Variants in EVI5 observed in about 807,000 individuals in gnomAD.
EVI5 encodes ecotropic viral integration site 5, also known as ecotropic viral integration site 5 protein homolog.
Under a neutral mutation model 112.0 loss-of-function variants are expected in EVI5, and 73 were observed. That is an observed-to-expected ratio of 0.65 (90% CI 0.54 to 0.79). The LOEUF (loss-of-function observed/expected upper bound fraction) is 0.79, where lower values mean the gene tolerates loss of function less well. Ranked by LOEUF, EVI5 falls within the 30% of genes least tolerant of loss-of-function variation. The pLI, the probability that EVI5 is intolerant of heterozygous loss-of-function variation, is 0.00. For synonymous variants in EVI5, 305 were observed against 319.9 expected (o/e 0.95, Z 0.50); for missense variants, 900 against 968.8 (o/e 0.93, Z 0.94).
chr1:92,740,787 T>C (rs575778702), intron 1 of EVI5, among the ~76,000 whole-genome samples: 2 of 152,332 alleles, frequency 1.3e-5, no homozygotes, highest in South Asian at 2.1e-4. Context: ...GTATTTCTTA[T>C]AGTCATATGG....
At chr1:92,699,746 G>A (rs771528389) in intron 5 of EVI5, among the ~76,000 whole-genome samples, 3 of 152,138 alleles carry the variant, frequency 2.0e-5, no homozygotes, top group Non-Finnish European at 4.4e-5. Flanking sequence ...ACATGTTTGT[G>A]TATCTAAACA....
At chr1:92,773,352 A>G (rs1347802071) in intron 1 of EVI5, among the ~76,000 whole-genome samples, 1 of 152,032 alleles carries the variant, frequency 6.6e-6, no homozygotes, top group Non-Finnish European at 1.5e-5. Context: ...TTTCAAAAAC[A>G]TTATTTTGAC....
chr1:92,778,494 C>T (rs1361837181), intron 1 of EVI5, among the ~76,000 whole-genome samples: 3 of 152,078 alleles, frequency 2.0e-5, no homozygotes, highest in Non-Finnish European at 2.9e-5. Context: ...GCCCAATATA[C>T]TAAATGTTCT....
intron 19 of EVI5, among the ~76,000 whole-genome samples, chr1:92,561,601 A>ATCTAATGTATCCT (rs757233659): frequency 3.1e-5 from 4 of 128,340 alleles, no homozygotes; most frequent in Admixed American, 7.9e-5. Context: ...CTATCTATCT[A>ATCTAATGTATCCT]ATCTATCCTA....
intron 15 of EVI5, 64 bp downstream of exon 15, chr1:92,625,730 C>G (rs1000179414): frequency 2.6e-5 from 39 of 1,477,880 alleles, no homozygotes; most frequent in Non-Finnish European, 3.5e-5. Context: ...ACTTCAAACT[C>G]TTACAAATTG....
chr1:92,621,946 C>T (rs1037743497), intron 16 of EVI5, among the ~76,000 whole-genome samples: 2 of 151,746 alleles, frequency 1.3e-5, no homozygotes, highest in African/African-American at 4.8e-5. Flanking sequence ...CATGGTGAAA[C>T]CCCGTCTCTA....
chr1:92,595,616 G>A (rs572659105), intron 18 of EVI5, among the ~76,000 whole-genome samples: 1 of 152,188 alleles, frequency 6.6e-6, no homozygotes, highest in East Asian at 1.9e-4. Context: ...CAAAGGAGGA[G>A]GGAGAAAAAC....
intron 19 of EVI5, among the ~76,000 whole-genome samples, chr1:92,544,732 T>G (rs1389268105): frequency 6.6e-6 from 1 of 152,204 alleles, no homozygotes; most frequent in Admixed American, 6.6e-5. Flanking sequence ...TATAGCCACA[T>G]ACCCACACTA....
At chr1:92,752,332 G>A (rs992499128) in intron 1 of EVI5, among the ~76,000 whole-genome samples, 42 of 151,916 alleles carry the variant, frequency 2.8e-4, no homozygotes, top group African/African-American at 9.7e-4. Flanking sequence ...GTGCCACCAC[G>A]CCTGGCTACT....
intron 13 of EVI5, among the ~76,000 whole-genome samples, chr1:92,660,651 T>C (rs1558015978): frequency 6.6e-6 from 1 of 151,964 alleles, no homozygotes; most frequent in Non-Finnish European, 1.5e-5. Flanking sequence ...GATGTGTCAA[T>C]TAAAAATAAA....
Position 92,704,711 on chromosome 1 carries a change from A to G in EVI5, c.183T>C (p.Ser61=). 6.3e-7 allele frequency: 1 copy of G among 1,582,712 alleles called. No individual in the cohort carries two copies. Among genetic ancestry groups the G allele is most frequent in the East Asian group, 2.3e-5 (1 of 44,262 alleles). Residue 61 remains serine (S), a synonymous_variant, in exon 3 of 20, where the codon TCT becomes TCC. Transcript: ENST00000684568. ...CACTGTTTCTTCTTGACCCATTTAC[A>G]GATCTTAAAGACTTACTATCCGTTT... ...LLETDSKSLR[S]VNGSRRNSGS... is the part of the protein sequence containing the mutation.
chr1:92,610,967 G>A (rs891304194), intron 16 of EVI5, among the ~76,000 whole-genome samples: 2 of 146,836 alleles, frequency 1.4e-5, no homozygotes, highest in Admixed American at 1.4e-4. Context: ...GGAGGGGGGA[G>A]GGATAGCATT....
At chr1:92,744,176 T>C (rs1022248046) in intron 1 of EVI5, among the ~76,000 whole-genome samples, 2 of 152,340 alleles carry the variant, frequency 1.3e-5, no homozygotes, top group Admixed American at 1.3e-4. Flanking sequence ...ATCTCTAACT[T>C]AATTCCACCG....
At chr1:92,533,970 G>T (rs1003590883) in intron 19 of EVI5, among the ~76,000 whole-genome samples, 1 of 152,186 alleles carries the variant, frequency 6.6e-6, no homozygotes, top group African/African-American at 2.4e-5. Flanking sequence ...TATTCAATTA[G>T]TCAGAGAAGA....
chr1:92,642,932 G>T (rs1395102883), intron 13 of EVI5, among the ~76,000 whole-genome samples: 2 of 152,178 alleles, frequency 1.3e-5, no homozygotes, highest in Admixed American at 6.5e-5. Flanking sequence ...TACCTGAATG[G>T]TAAGACCAAG....
At chr1:92,562,163 C>T (rs1345627703) in intron 19 of EVI5, among the ~76,000 whole-genome samples, 1 of 152,102 alleles carries the variant, frequency 6.6e-6, no homozygotes, top group Non-Finnish European at 1.5e-5. Context: ...TCCTGGGGTT[C>T]TCAAAAGAAT....
intron 8 of EVI5, 136 bp downstream of exon 8, chr1:92,694,163 G>A (rs762486016): frequency 8.1e-6 from 5 of 621,088 alleles, no homozygotes; most frequent in Admixed American, 3.0e-5. Context: ...ACAGAAGGCT[G>A]AAGCGGTAGG....
At chr1:92,565,373 A>T (rs1669282624) in intron 18 of EVI5, among the ~76,000 whole-genome samples, 1 of 152,252 alleles carries the variant, frequency 6.6e-6, no homozygotes, top group Non-Finnish European at 1.5e-5. Context: ...TATGGAGCAG[A>T]AAGATACACA....
intron 19 of EVI5, among the ~76,000 whole-genome samples, chr1:92,531,192 T>C (rs1464645807): frequency 2.0e-5 from 3 of 151,510 alleles, no homozygotes; most frequent in Admixed American, 6.6e-5. Context: ...ATATCAGAGA[T>C]TGAAGATCAA....
Sources: allele counts gnomAD v4.1 joint callset (sites outside exome capture counted in the v4.1 genomes callset), GRCh38; gene constraint gnomAD v4.1.1; transcripts MANE v1.5; gene names NCBI Gene and HGNC (gene_info 2026-07-23, HGNC 2026-07-21).